Variants in SFXN3 observed in about 807,000 individuals in gnomAD.
SFXN3 encodes the protein sideroflexin-3.
In SFXN3, 31 loss-of-function variants were observed where a neutral mutation model predicts 40.4. The ratio of observed to expected loss-of-function variants is 0.77; its 90% CI spans 0.58 to 1.04. The LOEUF (loss-of-function observed/expected upper bound fraction) is 1.04, where lower values mean the gene tolerates loss of function less well. SFXN3 is among the 50% of genes least tolerant of loss of function. The probability of loss-of-function intolerance (pLI) is 0.00; values close to 1 mark genes in which losing one functional copy is unlikely to be tolerated. For missense variants in SFXN3, 366 were observed against 408.2 expected (o/e 0.90, Z 0.89); for synonymous variants, 157 against 160.0 (o/e 0.98, Z 0.14).
chr10:101,038,277 A>G (rs1938715742), intron 9 of SFXN3: 21 of 1,178,544 alleles, frequency 1.8e-5, no homozygotes, highest in Non-Finnish European at 2.2e-5. Flanking sequence ...TGTGCTTGGA[A>G]AGGGTCAGAT....
In SFXN3 at chr10:101,039,416, G is replaced by A; in HGVS notation, c.870-73G>A. 1.4e-6 allele frequency: 2 copies of A among 1,411,766 alleles called. No homozygotes were observed. Among genetic ancestry groups the A allele is most frequent in the Non-Finnish European group, 2.0e-6 (2 of 996,764 alleles). The allele number at this position is 1,411,766 out of a possible 1,614,324, so 87.5% of individuals were successfully genotyped here. On this transcript the variant is annotated intron_variant, in intron 11 of 11. Coordinates refer to ENST00000393459, the Ensembl canonical transcript of SFXN3. This position sits in a 1 kb window ranked among gnomAD's most constrained non-coding sequence, Gnocchi z 4.6. ...AGGATTTTTCAGCCTGGGAGGAGGT[G>A]GGATGGCAATCCCTGGGCCTGAGTG...
chr10:101,039,729 G>GTT lies in SFXN3; in HGVS notation c.*144_*145insTT, dbSNP rs1938809342. 7.1e-6 allele frequency: 5 copies of GTT among 706,188 alleles called. No individual in the cohort carries two copies. The South Asian group carries it at 8.5e-5, about 12-fold the overall frequency. The allele number at this position is 706,188 out of a possible 1,614,324, so 43.7% of individuals were successfully genotyped here. ...GCAATTGAGGGTAGCAACCTATTAGGGTGGGGGAGGGACCTCCATAAGGCT... is the reference window on the plus strand; with the variant it reads ...GCAATTGAGGGTAGCAACCTATTAGGTTGTGGGGGAGGGACCTCCATAAGGCT... On this transcript the variant is annotated 3_prime_UTR_variant, in exon 12 of 12. Transcript: ENST00000393459. This position sits in a 1 kb window ranked among gnomAD's most constrained non-coding sequence, Gnocchi z 4.6.
exon 12 of SFXN3, chr10:101,040,344 CTGACATCA>C (rs1938838897): frequency 6.6e-6 from 1 of 152,342 alleles, no homozygotes; most frequent in Non-Finnish European, 1.5e-5. Context: ...CTGGTGTGCT[CTGACATCA>C]TGACCTCAAA....
rs914369533 is a variant in SFXN3 at position 101,036,924 on chromosome 10, C to G, written c.593+116C>G. 6.6e-7 allele frequency: 1 copy of G among 1,517,598 alleles called. No homozygotes were observed. The highest frequency in any genetic ancestry group is 1.9e-4 in the Middle Eastern group (1 of 5,256). The allele number at this position is 1,517,598 out of a possible 1,614,324, so 94.0% of individuals were successfully genotyped here. On this transcript the variant is annotated intron_variant, in intron 7 of 11. Transcript: ENST00000393459. The surrounding 1 kb of genome is among the most constrained non-coding windows in gnomAD (Gnocchi z 4.2). ...CCCTCCCCAGACATGAGCTGCTGGGCCCTGGCTCAGTCTGACCCTGGGATC... is the reference window on the plus strand; with the variant it reads ...CCCTCCCCAGACATGAGCTGCTGGGGCCTGGCTCAGTCTGACCCTGGGATC...
In SFXN3 at chr10:101,039,296, C is replaced by T. The variant is rs1938784066; in HGVS notation, c.869+74C>T. 2 of 1,430,934 alleles carry T rather than the reference C, an allele frequency of 1.4e-6. No homozygotes were observed. Among genetic ancestry groups the T allele is most frequent in the African/African-American group, 2.8e-5 (2 of 71,072 alleles). 88.6% of individuals were successfully genotyped at this position (1,430,934 alleles called of 1,614,324 possible). On this transcript the variant is annotated intron_variant, in intron 11 of 11. Transcript: ENST00000393459. The surrounding 1 kb of genome is among the most constrained non-coding windows in gnomAD (Gnocchi z 4.6). Reference sequence around the variant, plus strand: ...ATCTCTGGACCAGCTGACCTAGGGTCTTCCAGGGTGTTCAGGAGGAGGCCT... The same window carrying T: ...ATCTCTGGACCAGCTGACCTAGGGTTTTCCAGGGTGTTCAGGAGGAGGCCT...
chr10:101,032,570 TCAATG>T, intron 2 of SFXN3, 88 bp downstream of exon 2: 1 of 1,394,750 alleles, frequency 7.2e-7, no homozygotes, highest in African/African-American at 1.5e-5. Context: ...CCTGGTGCAG[TCAATG>T]TCCTCGGCTC....
rs148159148 is a variant in SFXN3, at chr10:101,036,019, G to A, written c.349G>A (p.Val117Met). Residue 117 changes from valine to methionine, a missense_variant, in exon 5 of 12, where the codon GTG becomes ATG. Coordinates refer to ENST00000393459, the Ensembl canonical transcript of SFXN3. The surrounding 1 kb of genome is among the most constrained non-coding windows in gnomAD (Gnocchi z 4.2). Reference sequence around the variant, plus strand: ...TTCCCTCAGGAAGACCCCAACCGTGGTGTTCTGGCAGTGGGTGAATCAGTC... The same window carrying A: ...TTCCCTCAGGAAGACCCCAACCGTGATGTTCTGGCAGTGGGTGAATCAGTC... The A allele has an allele frequency of 2.0e-4, 330 of 1,614,098 alleles. No individual in the cohort carries two copies. The African/African-American group carries it at 3.9e-3, about 19-fold the overall frequency.
At chr10:101,038,747 T>A (rs536528370) in intron 10 of SFXN3, 55 bp downstream of exon 10, 1 of 1,602,088 alleles carries the variant, frequency 6.2e-7, no homozygotes, top group Admixed American at 1.7e-5. Flanking sequence ...CCATGGTGGA[T>A]GTGGGTGGGT....
At position 101,036,821 on chromosome 10, in the gene SFXN3, G is replaced by C; in HGVS notation, c.593+13G>C. On this transcript the variant is annotated intron_variant, in intron 7 of 11. Coordinates refer to ENST00000393459, the Ensembl canonical transcript of SFXN3. This position sits in a 1 kb window ranked among gnomAD's most constrained non-coding sequence, Gnocchi z 4.2. ...TGATGAGGCAGAGGTGAGTGACCCCGGCTCCTGGCATGTGCATGCCCAGAA... is the reference window on the plus strand; with the variant it reads ...TGATGAGGCAGAGGTGAGTGACCCCCGCTCCTGGCATGTGCATGCCCAGAA... 6.2e-7 allele frequency: 1 copy of C among 1,612,134 alleles called. No individual in the cohort carries two copies. Among genetic ancestry groups the C allele is most frequent in the Non-Finnish European group, 8.5e-7 (1 of 1,178,464 alleles).
chr10:101,033,519 CTT>C (rs1489139124), intron 2 of SFXN3, among the ~76,000 whole-genome samples: 2 of 152,132 alleles, frequency 1.3e-5, no homozygotes, highest in Non-Finnish European at 2.9e-5. Context: ...CACACCCTTG[CTT>C]ACCTACCTAG....
chr10:101,036,616 T>G lies in SFXN3; in HGVS notation c.507+55T>G, dbSNP rs1043291745. On this transcript the variant is annotated intron_variant, in intron 6 of 11. Coordinates refer to ENST00000393459, the Ensembl canonical transcript of SFXN3. This position sits in a 1 kb window ranked among gnomAD's most constrained non-coding sequence, Gnocchi z 4.2. ...CATTCATCCTCTATCTGCCTCCTTCTTCCTCATCACACCTCCAGTTCTGAC... is the reference window on the plus strand; with the variant it reads ...CATTCATCCTCTATCTGCCTCCTTCGTCCTCATCACACCTCCAGTTCTGAC... 6.2e-7 allele frequency: 1 copy of G among 1,612,934 alleles called. No homozygotes were observed. Among genetic ancestry groups the G allele is most frequent in the African/African-American group, 1.3e-5 (1 of 74,872 alleles).
Position 101,039,429 on chromosome 10 carries a change from C to T in SFXN3, c.870-60C>T. 2 of 1,510,712 alleles carry T rather than the reference C, an allele frequency of 1.3e-6. No homozygotes were observed. The highest frequency in any genetic ancestry group is 1.8e-6 in the Non-Finnish European group (2 of 1,086,596). 93.6% of individuals were successfully genotyped at this position (1,510,712 alleles called of 1,614,324 possible). ...CTGGGAGGAGGTGGGATGGCAATCC[C>T]TGGGCCTGAGTGGGGTTGGATTCAG... On this transcript the variant is annotated intron_variant, in intron 11 of 11. Coordinates refer to ENST00000393459, the Ensembl canonical transcript of SFXN3. This position sits in a 1 kb window ranked among gnomAD's most constrained non-coding sequence, Gnocchi z 4.6.
Position 101,035,506 on chromosome 10 carries a change from G to C in SFXN3, c.171G>C (p.Val57=), listed in dbSNP as rs770076141. ...TTGCCAACTTCTGCAGGGCCGGCGT[G>C]GTGACCCCAGGGATCACCGAGGACC... The change falls in exon 4 of 12, where the codon GTG becomes GTC. Residue 57 remains valine (V), a synonymous_variant. Coordinates refer to ENST00000393459, the Ensembl canonical transcript of SFXN3. The C allele has an allele frequency of 6.2e-6, 10 of 1,604,770 alleles. No homozygotes were observed. The African/African-American group carries it at 1.2e-4, about 19-fold the overall frequency.
chr10:101,035,862 A>C (rs921018905), intron 4 of SFXN3, 141 bp from the exon 5 acceptor site: 1 of 1,102,040 alleles, frequency 9.1e-7, no homozygotes, highest in Non-Finnish European at 1.4e-6. Context: ...GTGGGGGTAC[A>C]TAGGGGTTAC....
chr10:101,033,001 C>A (rs1938388960), intron 2 of SFXN3, among the ~76,000 whole-genome samples: 1 of 152,134 alleles, frequency 6.6e-6, no homozygotes, highest in South Asian at 2.1e-4. Context: ...GCCAGCCCTG[C>A]CTGGCCAGGG....
exon 8 of SFXN3, chr10:101,037,115 T>C (rs1441241851): frequency 1.9e-6 from 3 of 1,613,730 alleles, no homozygotes; most frequent in Non-Finnish European, 1.7e-6. Flanking sequence ...ATGAGGCAGG[T>C]CAGAGGCTTG....
chr10:101,038,672 G>A, exon 10 of SFXN3: 2 of 1,612,522 alleles, frequency 1.2e-6, no homozygotes, highest in Non-Finnish European at 1.7e-6. Context: ...CACCCCTGCA[G>A]GTGGGACTGG....
intron 1 of SFXN3, among the ~76,000 whole-genome samples, chr10:101,031,795 G>A (rs549390235): frequency 6.6e-6 from 1 of 152,242 alleles, no homozygotes; most frequent in East Asian, 1.9e-4. Flanking sequence ...GGGAGCGTAA[G>A]GAGACCAGGG....
rs753763902 is a variant in SFXN3, at chr10:101,036,696, C to T, written c.508-27C>T. 13 of 1,604,688 alleles carry T rather than the reference C, an allele frequency of 8.1e-6. No homozygotes were observed. In the East Asian group the frequency reaches 1.8e-4, roughly 22 times the overall value. The stretch of plus-strand genomic sequence containing the variant: ...CCTCACCACCCCATGGCCCTTAGGG[C>T]CACTGAACAACACCCTTCCTCCCCA... On this transcript the variant is annotated intron_variant, in intron 6 of 11. Coordinates refer to ENST00000393459, the Ensembl canonical transcript of SFXN3. The surrounding 1 kb of genome is among the most constrained non-coding windows in gnomAD (Gnocchi z 4.2).
Sources: gnomAD v4.1 joint callset for allele counts (sites outside exome capture counted in the v4.1 genomes callset) on GRCh38, gnomAD v4.1.1 for gene constraint, Gnocchi (gnomAD v3.1) non-coding constraint, MANE v1.5 for transcripts, NCBI Gene and HGNC (gene_info 2026-07-23, HGNC 2026-07-21) for gene names.